WSCD2: variants seen among roughly 807,000 people sequenced by gnomAD.
WSCD2 encodes the protein sialate:O-sulfotransferase 2.
WSCD2 carries 28 observed loss-of-function variants against 55.7 expected under a neutral mutation model. The ratio of observed to expected loss-of-function variants is 0.50; its 90% CI spans 0.37 to 0.69. The LOEUF is 0.69. Ranked by LOEUF, WSCD2 falls within the 30% of genes least tolerant of loss-of-function variation. The pLI is 0.00. For missense variants in WSCD2, 616 were observed against 762.1 expected, an observed-to-expected ratio of 0.81 and a Z score of 2.26; for synonymous variants, 301 against 301.9, an observed-to-expected ratio of 1.00 and a Z score of 0.03.
At position 108,195,596 on chromosome 12, in the gene WSCD2, C is replaced by G. The variant is rs141308427; in HGVS notation, c.-237C>G. The G allele has an allele frequency of 8.8e-6, 5 of 565,728 alleles. No homozygotes were observed. The highest frequency in any genetic ancestry group is 1.5e-5 in the Non-Finnish European group (5 of 331,078). 35.0% of individuals were successfully genotyped at this position (565,728 alleles called of 1,614,324 possible). A position where few individuals can be genotyped will look rare whatever the true frequency, so the allele number is the denominator to read the frequency against. On this transcript the variant is annotated 5_prime_UTR_variant, in exon 2 of 9. Transcript: ENST00000547525. ...GAGCCTCAAAACCCCCTTGTTGGCC[C>G]AAAGAAGCTCACCTTCAGTTTGGGA...
At chr12:108,174,046 C>T (rs912018689) in intron 1 of WSCD2, among the ~76,000 whole-genome samples, 4 of 152,000 alleles carry the variant, frequency 2.6e-5, no homozygotes, top group Admixed American at 1.3e-4. Flanking sequence ...TTGGTCTTTA[C>T]GAATCCCTGT....
intron 1 of WSCD2, among the ~76,000 whole-genome samples, chr12:108,155,357 C>T (rs965642980): frequency 3.3e-5 from 5 of 152,204 alleles, no homozygotes; most frequent in African/African-American, 4.8e-5. Context: ...CATATGCATA[C>T]ACCAATCAGG....
Position 108,228,103 on chromosome 12 carries a change from G to A in WSCD2, c.979+939G>A, listed in dbSNP as rs58134059. ...AGAACAGTTGAGGAACTTACCTTAA[G>A]TCATACTGTTTATAAACTTTCCCAA... On this transcript the variant is annotated intron_variant, in intron 6 of 8. Coordinates refer to ENST00000547525, the MANE Select transcript of WSCD2 (RefSeq NM_014653.4). 4.0e-3 allele frequency among the ~76,000 whole-genome samples: 609 copies of A among 152,214 alleles called. 4 individuals are homozygous for A. Among genetic ancestry groups the A allele is most frequent in the African/African-American group, 0.014 (598 of 41,522 alleles).
intron 1 of WSCD2, among the ~76,000 whole-genome samples, chr12:108,133,670 A>C (rs1037530928): frequency 1.3e-5 from 2 of 152,182 alleles, no homozygotes; most frequent in Non-Finnish European, 2.9e-5. Flanking sequence ...AGCTCTGAGC[A>C]GAGTGTTGGA....
At chr12:108,232,341 G>A (rs1888852966) in intron 6 of WSCD2, among the ~76,000 whole-genome samples, 2 of 152,036 alleles carry the variant, frequency 1.3e-5, no homozygotes, top group South Asian at 2.1e-4. Flanking sequence ...AATACACGAC[G>A]GATGCCATTG....
intron 1 of WSCD2, among the ~76,000 whole-genome samples, chr12:108,193,821 G>A (rs190757437): frequency 6.6e-6 from 1 of 152,316 alleles, no homozygotes; most frequent in East Asian, 1.9e-4. Flanking sequence ...ATTTTTGTCT[G>A]TTTTGTTCAC....
intron 2 of WSCD2, among the ~76,000 whole-genome samples, chr12:108,204,932 G>C (rs939567698): frequency 3.9e-5 from 6 of 152,198 alleles, no homozygotes; most frequent in Non-Finnish European, 8.8e-5. Flanking sequence ...GTGGCATTTA[G>C]TATTTTCTTC....
intron 1 of WSCD2, among the ~76,000 whole-genome samples, chr12:108,156,817 C>A (rs1014534665): frequency 6.6e-6 from 1 of 152,224 alleles, no homozygotes; most frequent in Non-Finnish European, 1.5e-5. Flanking sequence ...CACCAAACCC[C>A]AACTAGCCAT....
chr12:108,227,235 C>A, intron 6 of WSCD2, 71 bp downstream of exon 6: 1 of 1,530,292 alleles, frequency 6.5e-7, no homozygotes, highest in African/African-American at 1.4e-5. Context: ...GTGTTCCTGC[C>A]AGTCCATCCC....
At chr12:108,219,440 C>T (rs1887223149) in intron 4 of WSCD2, among the ~76,000 whole-genome samples, 1 of 152,206 alleles carries the variant, frequency 6.6e-6, no homozygotes, top group South Asian at 2.1e-4. Flanking sequence ...TCATCACTCA[C>T]ACCCTTTCAT....
At chr12:108,134,542 C>T (rs962293142) in intron 1 of WSCD2, among the ~76,000 whole-genome samples, 3 of 152,054 alleles carry the variant, frequency 2.0e-5, no homozygotes, top group Non-Finnish European at 2.9e-5. Flanking sequence ...ACAAGCAGAT[C>T]GGCAAAATAA....
chr12:108,180,050 C>CAAAAAAAAAAAAAAAAAAAAAAAAAAAA (rs59925486), intron 1 of WSCD2, among the ~76,000 whole-genome samples: 1 of 116,674 alleles, frequency 8.6e-6, no homozygotes, highest in Non-Finnish European at 1.8e-5. Flanking sequence ...CTCAAAAAAA[C>CAAAAAAAAAAAAAAAAAAAAAAAAAAAA]AAAAAAAAAA....
chr12:108,137,171 C>T (rs556476489), intron 1 of WSCD2, among the ~76,000 whole-genome samples: 8 of 152,196 alleles, frequency 5.3e-5, no homozygotes, highest in Non-Finnish European at 1.0e-4. Flanking sequence ...ATTTTGAAAG[C>T]CTCCCTGGTG....
chr12:108,182,009 T>C (rs1277802395), intron 1 of WSCD2, among the ~76,000 whole-genome samples: 1 of 152,246 alleles, frequency 6.6e-6, no homozygotes, highest in Non-Finnish European at 1.5e-5. Flanking sequence ...TTCTCACTGC[T>C]GTTAAGTGAC....
chr12:108,143,679 A>G (rs551430247), intron 1 of WSCD2, among the ~76,000 whole-genome samples: 1 of 152,198 alleles, frequency 6.6e-6, no homozygotes, highest in Non-Finnish European at 1.5e-5. Context: ...TAGGCCAGAC[A>G]GGGGCCCGTC....
intron 1 of WSCD2, among the ~76,000 whole-genome samples, chr12:108,169,411 A>T (rs1170567721): frequency 2.6e-5 from 4 of 152,072 alleles, no homozygotes; most frequent in African/African-American, 9.7e-5. Flanking sequence ...CCACTGTTCT[A>T]GGGTATTCCC....
Position 108,248,832 on chromosome 12 carries a change from G to A in WSCD2, c.*489G>A. 1 of 989,840 alleles carries A rather than the reference G, an allele frequency of 1.0e-6. No individual in the cohort carries two copies. The highest frequency in any genetic ancestry group is 1.2e-6 in the Non-Finnish European group (1 of 832,222). The allele number at this position is 989,840 out of a possible 1,614,324, so 61.3% of individuals were successfully genotyped here. On this transcript the variant is annotated 3_prime_UTR_variant, in exon 9 of 9. Coordinates refer to ENST00000547525, the MANE Select transcript of WSCD2 (RefSeq NM_014653.4). The surrounding 1 kb of genome is among the most constrained non-coding windows in gnomAD (Gnocchi z 4.3). The stretch of plus-strand genomic sequence containing the variant: ...CCACCCAAGAAGTGCTGGCACCGAT[G>A]TTTAACTCAGGCCACCTTCTGTTCT...
chr12:108,147,510 G>T (rs368904868), intron 1 of WSCD2, among the ~76,000 whole-genome samples: 1 of 152,048 alleles, frequency 6.6e-6, no homozygotes, highest in African/African-American at 2.4e-5. Context: ...GGAAGGGAGG[G>T]TTACTAGCGG....
chr12:108,196,055 G>C lies in WSCD2; in HGVS notation c.223G>C (p.Gly75Arg). ...SFLGDMHLGR[G>R]FRDTGEASSI... ...CTTGGGTGACATGCATCTGGGCAGA[G>C]GTTTCCGGGACACAGGTGAAGCCTC... is the stretch of plus-strand genomic sequence containing the variant. The change falls in exon 2 of 9, where the codon GGT (glycine) becomes CGT (arginine). Residue 75 changes from glycine (G) to arginine (R), a missense_variant. This residue lies in a region of WSCD2 where 374 missense variants were observed against 467.4 expected (regional missense o/e 0.80). Transcript: ENST00000547525. 1.2e-6 allele frequency: 2 copies of C among 1,614,208 alleles called. No homozygotes were observed. Among genetic ancestry groups the C allele is most frequent in the South Asian group, 1.1e-5 (1 of 91,072 alleles).
Sources: allele counts gnomAD v4.1 joint callset (sites outside exome capture counted in the v4.1 genomes callset), GRCh38; gene constraint gnomAD v4.1.1; regional missense constraint gnomAD v4.1.1; non-coding constraint Gnocchi (gnomAD v3.1); transcripts MANE v1.5; gene names NCBI Gene and HGNC (gene_info 2026-07-23, HGNC 2026-07-21).